CPPED1: variants seen among roughly 807,000 people sequenced by gnomAD.
The protein encoded by CPPED1 is calcineurin like phosphoesterase domain containing 1.
A neutral mutation model predicts 28.0 loss-of-function variants in CPPED1; 28 were observed. The ratio of observed to expected loss-of-function variants is 1.00; its 90% CI spans 0.74 to 1.37. CPPED1 has a LOEUF of 1.37. CPPED1 is among the 40% of genes most tolerant of loss of function. The pLI, the probability that CPPED1 is intolerant of heterozygous loss-of-function variation, is 0.00. For missense variants in CPPED1, 504 were observed against 416.5 expected (o/e 1.21, Z -1.83); for synonymous variants, 198 against 180.2 (o/e 1.10, Z -0.79).
chr16:12,672,894 A>G (rs571622178), intron 3 of CPPED1, among the ~76,000 whole-genome samples: 104 of 152,252 alleles, frequency 6.8e-4, no homozygotes, highest in African/African-American at 2.1e-3. Flanking sequence ...GGCGCCTGTA[A>G]TCCTAGCTAC....
chr16:12,731,310 C>A (rs890221398), intron 2 of CPPED1, among the ~76,000 whole-genome samples: 1 of 151,270 alleles, frequency 6.6e-6, no homozygotes, highest in African/African-American at 2.4e-5. Context: ...CCCGCCACCA[C>A]GCCTGGCTGA....
chr16:12,731,667 G>A (rs1169189801), intron 2 of CPPED1, among the ~76,000 whole-genome samples: 1 of 151,484 alleles, frequency 6.6e-6, no homozygotes, highest in Non-Finnish European at 1.5e-5. Flanking sequence ...GGCCGTGGGC[G>A]AGAAGGCCTC....
At chr16:12,688,217 C>G (rs994061276) in intron 3 of CPPED1, among the ~76,000 whole-genome samples, 3 of 151,794 alleles carry the variant, frequency 2.0e-5, no homozygotes, top group Admixed American at 2.0e-4. Flanking sequence ...GAACCACACC[C>G]CTATCCAATA....
chr16:12,745,263 C>A (rs1162501477), intron 2 of CPPED1, among the ~76,000 whole-genome samples: 1 of 152,084 alleles, frequency 6.6e-6, no homozygotes, highest in Non-Finnish European at 1.5e-5. Flanking sequence ...AGACTAAGAA[C>A]CTCAATGAAC....
At chr16:12,740,105 G>GGAAAGGAAA (rs1169477207) in intron 2 of CPPED1, among the ~76,000 whole-genome samples, 18 of 148,424 alleles carry the variant, frequency 1.2e-4, no homozygotes, top group Non-Finnish European at 2.4e-4. Context: ...AGGAAAGGAA[G>GGAAAGGAAA]GAAAGGAAAG....
intron 1 of CPPED1, among the ~76,000 whole-genome samples, chr16:12,782,398 G>A (rs2080537198): frequency 6.6e-6 from 1 of 152,116 alleles, no homozygotes; most frequent in Non-Finnish European, 1.5e-5. Context: ...CAGATCTGGG[G>A]CTGGACACGG....
At chr16:12,718,555 AAAG>A (rs1325500266) in intron 2 of CPPED1, among the ~76,000 whole-genome samples, 3 of 151,294 alleles carry the variant, frequency 2.0e-5, no homozygotes, top group Non-Finnish European at 4.4e-5. Context: ...AAAAAAAAAA[AAAG>A]AAAGAAAAAA....
chr16:12,767,611 G>A (rs1441820211), intron 2 of CPPED1, among the ~76,000 whole-genome samples: 1 of 152,186 alleles, frequency 6.6e-6, no homozygotes, highest in Non-Finnish European at 1.5e-5. Context: ...AGGGCCCACT[G>A]GCTGGATGAA....
chr16:12,797,640 G>C (rs1265496675), intron 1 of CPPED1, among the ~76,000 whole-genome samples: 1 of 152,064 alleles, frequency 6.6e-6, no homozygotes, highest in Non-Finnish European at 1.5e-5. Context: ...GCTTTCCTGG[G>C]CCACAACGGA....
chr16:12,755,686 T>G (rs532116999), intron 2 of CPPED1, among the ~76,000 whole-genome samples: 1 of 152,242 alleles, frequency 6.6e-6, no homozygotes, highest in African/African-American at 2.4e-5. Context: ...AAAGTTAATT[T>G]ACTCATTTGC....
chr16:12,788,099 T>C (rs1020556120), intron 1 of CPPED1, among the ~76,000 whole-genome samples: 1 of 152,232 alleles, frequency 6.6e-6, no homozygotes, highest in African/African-American at 2.4e-5. Context: ...GCTTGCAATA[T>C]GGAGACTTGC....
At chr16:12,750,502 C>T (rs145471249) in intron 2 of CPPED1, among the ~76,000 whole-genome samples, 14 of 152,308 alleles carry the variant, frequency 9.2e-5, no homozygotes, top group African/African-American at 3.4e-4. Flanking sequence ...AGTCAGAACA[C>T]ACCCATTTAT....
At chr16:12,795,238 C>T (rs2080620396) in intron 1 of CPPED1, among the ~76,000 whole-genome samples, 2 of 152,362 alleles carry the variant, frequency 1.3e-5, no homozygotes, top group African/African-American at 4.8e-5. Context: ...TAACCCTTCC[C>T]CCGGGCAGAT....
intron 3 of CPPED1, among the ~76,000 whole-genome samples, chr16:12,676,477 G>A (rs1030857428): frequency 2.6e-5 from 4 of 152,214 alleles, no homozygotes; most frequent in African/African-American, 9.6e-5. Flanking sequence ...TGACCAGGAA[G>A]ATATCATCCC....
Position 12,742,695 on chromosome 16 carries a change from C to T in CPPED1, c.290-37646G>A, listed in dbSNP as rs1316751161. Among the ~76,000 whole-genome samples, 4 of 152,232 alleles carry T rather than the reference C, an allele frequency of 2.6e-5. No individual in the cohort carries two copies. In the East Asian group the frequency reaches 7.7e-4, roughly 29 times the overall value. Reference sequence around the variant, plus strand: ...TGTTCAAGGGTAGTTCAGAACATTGCCCAATAGCTGCTTCTCAGTTATTTT... The same window carrying T: ...TGTTCAAGGGTAGTTCAGAACATTGTCCAATAGCTGCTTCTCAGTTATTTT... On this transcript the variant is annotated intron_variant, in intron 2 of 3. Coordinates refer to ENST00000381774, the MANE Select transcript of CPPED1 (RefSeq NM_018340.3).
chr16:12,786,801 C>G lies in CPPED1; in HGVS notation c.71-5398G>C, dbSNP rs139514590. 2.8e-3 allele frequency among the ~76,000 whole-genome samples: 433 copies of G among 152,282 alleles called. 6 individuals carry two copies. Among genetic ancestry groups the G allele is most frequent in the African/African-American group, 0.01 (421 of 41,556 alleles). On this transcript the variant is annotated intron_variant, in intron 1 of 3. Transcript: ENST00000381774. ...AGGCATGGTGGCATGCGCCTGTAGTCCCAGCTACTCAGGAGGCCGGAGAAT... is the reference window on the plus strand; with the variant it reads ...AGGCATGGTGGCATGCGCCTGTAGTGCCAGCTACTCAGGAGGCCGGAGAAT...
At chr16:12,694,731 T>TG (rs778479471) in intron 3 of CPPED1, among the ~76,000 whole-genome samples, 8,845 of 48,928 alleles carry the variant, frequency 0.18, 647 homozygotes, top group African/African-American at 0.24. Context: ...TAAAAAAAGG[T>TG]GGGGGGGGGG....
chr16:12,677,994 A>G (rs1001727772), intron 3 of CPPED1, among the ~76,000 whole-genome samples: 22 of 152,214 alleles, frequency 1.4e-4, no homozygotes, highest in African/African-American at 5.3e-4. Flanking sequence ...CTGTGATCCA[A>G]TAAAACTTTA....
chr16:12,781,772 T>A (rs547157736), intron 1 of CPPED1, among the ~76,000 whole-genome samples: 1 of 152,146 alleles, frequency 6.6e-6, no homozygotes, highest in African/African-American at 2.4e-5. Flanking sequence ...CCAAATTGAA[T>A]GCTGCCAGAA....
Sources: gnomAD v4.1 joint callset for allele counts (sites outside exome capture counted in the v4.1 genomes callset) on GRCh38, gnomAD v4.1.1 for gene constraint, MANE v1.5 for transcripts, NCBI Gene and HGNC (gene_info 2026-07-23, HGNC 2026-07-21) for gene names.